Variants in CDH18 observed in about 807,000 individuals in gnomAD.
The protein encoded by CDH18 is cadherin-18.
CDH18 carries 31 observed loss-of-function variants against 67.9 expected under a neutral mutation model. That is an observed-to-expected ratio of 0.46 (90% CI 0.34 to 0.62). CDH18 has a LOEUF of 0.62. Among genes scored for constraint, CDH18 ranks in the 20% least tolerant of loss-of-function variants. The probability of loss-of-function intolerance (pLI) is 0.01; values close to 1 mark genes in which losing one functional copy is unlikely to be tolerated. For synonymous variants in CDH18, 362 were observed against 347.2 expected, an observed-to-expected ratio of 1.04 and a Z score of -0.48; for missense variants, 890 against 975.5, an observed-to-expected ratio of 0.91 and a Z score of 1.17.
chr5:19,936,289 G>T (rs1794249441), intron 2 of CDH18, among the ~76,000 whole-genome samples: 1 of 151,132 alleles, frequency 6.6e-6, no homozygotes, highest in Non-Finnish European at 1.5e-5. Flanking sequence ...AACAAGAAAT[G>T]TTTTGAAAGT....
chr5:20,084,308 C>T lies in CDH18; in HGVS notation c.-517-92294G>A, dbSNP rs180858486. On this transcript the variant is annotated intron_variant, in intron 2 of 14. Coordinates refer to the CDH18 transcript ENST00000507958. Reference sequence around the variant, plus strand: ...CAAAATGATCTCCTTTGACTCCATGCCTCACATCCAGGTCATGCTGATGCA... The same window carrying T: ...CAAAATGATCTCCTTTGACTCCATGTCTCACATCCAGGTCATGCTGATGCA... Among the ~76,000 whole-genome samples, 43 of 152,328 alleles carry T rather than the reference C, an allele frequency of 2.8e-4. 1 individual carries two copies. The East Asian group carries it at 6.4e-3, about 23-fold the overall frequency.
Position 19,925,195 on chromosome 5 carries a change from A to G in CDH18, c.-257+55865T>C, listed in dbSNP as rs115656217. On this transcript the variant is annotated intron_variant, in intron 2 of 12. Coordinates refer to ENST00000382275, the MANE Select transcript of CDH18 (RefSeq NM_004934.5). ...AGGTAAGTTTACATCACCCATTTAC[A>G]AGATGAGTCTTCCTGAAGAGGAGGG... Among the ~76,000 whole-genome samples the G allele has an allele frequency of 9.1e-3, 1,380 of 152,312 alleles. 28 individuals carry two copies. The highest frequency in any genetic ancestry group is 0.031 in the African/African-American group (1,295 of 41,576).
Position 19,649,836 on chromosome 5 carries a change from CCTAA to C in CDH18, c.644-37239_644-37236del, listed in dbSNP as rs1393181128. Among the ~76,000 whole-genome samples, 6 of 151,626 alleles carry C rather than the reference CCTAA, an allele frequency of 4.0e-5. 1 individual carries two copies. Among genetic ancestry groups the C allele is most frequent in the Admixed American group, 3.9e-4 (6 of 15,212 alleles). ...TTATATATATGTATTTGTTATTTCA[CCTAA>C]CTTTTTTTCTACAGAATGGGTCAAG... is the stretch of plus-strand genomic sequence containing the variant. On this transcript the variant is annotated intron_variant, in intron 5 of 12. Coordinates refer to ENST00000382275, the MANE Select transcript of CDH18 (RefSeq NM_004934.5).
chr5:19,957,319 T>A (rs1478994195), intron 2 of CDH18, among the ~76,000 whole-genome samples: 1 of 151,128 alleles, frequency 6.6e-6, no homozygotes, highest in East Asian at 1.9e-4. Context: ...TATATATATG[T>A]TTTATATATG....
At chr5:20,423,080 A>G (rs1185429997) in intron 1 of CDH18, among the ~76,000 whole-genome samples, 3 of 151,180 alleles carry the variant, frequency 2.0e-5, no homozygotes, top group Non-Finnish European at 4.4e-5. Flanking sequence ...CAGATAAAGC[A>G]AGTGGTGATA....
chr5:19,703,862 T>A (rs899503161), intron 5 of CDH18, among the ~76,000 whole-genome samples: 1 of 152,186 alleles, frequency 6.6e-6, no homozygotes, highest in Admixed American at 6.5e-5. Context: ...TGTTAAAGAA[T>A]GTTGCTGTCT....
rs184562981 is a variant in CDH18, at chr5:20,319,579, T to C, written c.-579-64074A>G. ...CATTATTTGTTTCAGATAAATTGCA[T>C]TTTTAGGGATTTAGCTTGCATAACC... On this transcript the variant is annotated intron_variant, in intron 1 of 14. Transcript: ENST00000507958. Among the ~76,000 whole-genome samples, 696 of 152,166 alleles carry C rather than the reference T, an allele frequency of 4.6e-3. 6 individuals are homozygous for C. The highest frequency in any genetic ancestry group is 0.015 in the African/African-American group (602 of 41,428).
In CDH18 at chr5:20,332,560, C is replaced by T. The variant is rs1426988663; in HGVS notation, c.-579-77055G>A. Among the ~76,000 whole-genome samples the T allele has an allele frequency of 3.9e-5, 6 of 152,246 alleles. No homozygotes were observed. The East Asian group carries it at 1.2e-3, about 29-fold the overall frequency. ...AATGCTATGGACAGGTTTTTGGACA[C>T]TGTGACTTTAAGTGAAACAATGTAT... On this transcript the variant is annotated intron_variant, in intron 1 of 14. Coordinates refer to the CDH18 transcript ENST00000507958.
rs776276999 is a variant in CDH18 at position 19,644,120 on chromosome 5, A to G, written c.644-31519T>C. Among the ~76,000 whole-genome samples, 176 of 152,232 alleles carry G rather than the reference A, an allele frequency of 1.2e-3. 1 individual carries two copies. Among genetic ancestry groups the G allele is most frequent in the Non-Finnish European group, 1.9e-3 (126 of 68,016 alleles). On this transcript the variant is annotated intron_variant, in intron 5 of 12. Transcript: ENST00000382275. ...AGATTTTTAGCTGTGGCTTTTGGAA[A>G]AGAGGATAAATTAAGCAAACCACTT...
intron 1 of CDH18, among the ~76,000 whole-genome samples, chr5:20,492,778 A>G (rs1002647286): frequency 1.1e-4 from 17 of 152,200 alleles, no homozygotes; most frequent in African/African-American, 4.1e-4. Context: ...AATACATTAT[A>G]TATTTTTGCC....
chr5:19,953,152 C>T (rs766290344), intron 2 of CDH18, among the ~76,000 whole-genome samples: 14 of 151,984 alleles, frequency 9.2e-5, no homozygotes, highest in Non-Finnish European at 1.8e-4. Context: ...ATTGAAACAA[C>T]ATACAATCTC....
chr5:20,546,305 T>G (rs781026977), intron 1 of CDH18, among the ~76,000 whole-genome samples: 1 of 152,140 alleles, frequency 6.6e-6, no homozygotes. Context: ...TGTTACCCAG[T>G]TCCAAACTCA....
intron 1 of CDH18, among the ~76,000 whole-genome samples, chr5:20,507,347 A>G (rs1272494629): frequency 1.3e-5 from 2 of 152,258 alleles, no homozygotes; most frequent in African/African-American, 4.8e-5. Context: ...GGCAATTGTC[A>G]CGCAGGAGCT....
intron 2 of CDH18, among the ~76,000 whole-genome samples, chr5:20,225,696 G>C (rs931880123): frequency 1.3e-5 from 2 of 152,104 alleles, no homozygotes; most frequent in South Asian, 2.1e-4. Context: ...GTGATGTCAA[G>C]TACAGGAGAG....
At chr5:20,172,961 G>C (rs1325161743) in intron 2 of CDH18, among the ~76,000 whole-genome samples, 1 of 148,636 alleles carries the variant, frequency 6.7e-6, no homozygotes, top group Non-Finnish European at 1.5e-5. Flanking sequence ...TTTCACTCCA[G>C]CCTGGGCAAC....
At chr5:19,649,353 A>T (rs530754336) in intron 5 of CDH18, among the ~76,000 whole-genome samples, 63 of 152,226 alleles carry the variant, frequency 4.1e-4, no homozygotes, top group African/African-American at 1.5e-3. Flanking sequence ...AGTTAAAGAT[A>T]TGTGTTCAGC....
chr5:19,473,907 A>G (rs567236107), intron 12 of CDH18, among the ~76,000 whole-genome samples, 191 bp from the exon 13 acceptor site: 1 of 152,274 alleles, frequency 6.6e-6, no homozygotes, highest in South Asian at 2.1e-4. Flanking sequence ...CAAATAATGT[A>G]AAAGATGATT....
At chr5:20,133,873 T>G (rs988697454) in intron 2 of CDH18, among the ~76,000 whole-genome samples, 1 of 152,176 alleles carries the variant, frequency 6.6e-6, no homozygotes, top group South Asian at 2.1e-4. Flanking sequence ...TTCTTTGACA[T>G]TATCATTCGA....
At chr5:19,767,427 A>C (rs1012768377) in intron 3 of CDH18, among the ~76,000 whole-genome samples, 1 of 152,136 alleles carries the variant, frequency 6.6e-6, no homozygotes, top group East Asian at 1.9e-4. Context: ...AAGCAAAGGA[A>C]ATAGCCTAGC....
Sources: allele counts gnomAD v4.1 joint callset (sites outside exome capture counted in the v4.1 genomes callset), GRCh38; gene constraint gnomAD v4.1.1; transcripts MANE v1.5; gene names NCBI Gene and HGNC (gene_info 2026-07-23, HGNC 2026-07-21).